The following CSMD1 variants were observed in gnomAD, a reference collection of about 807,000 sequenced individuals.
CSMD1 encodes the protein CUB and Sushi multiple domains 1, also known as CUB and sushi domain-containing protein 1.
A neutral mutation model predicts 417.5 loss-of-function variants in CSMD1; 213 were observed. That is an observed-to-expected ratio of 0.51 (90% CI 0.46 to 0.57). The LOEUF is 0.57. Among genes scored for constraint, CSMD1 ranks in the 20% least tolerant of loss-of-function variants. The pLI, the probability that CSMD1 is intolerant of heterozygous loss-of-function variation, is 0.00. For synonymous variants in CSMD1, 2,862 were observed against 1,736.8 expected, an observed-to-expected ratio of 1.65 and a Z score of -16.11; for missense variants, 6,923 against 4,529.7, an observed-to-expected ratio of 1.53 and a Z score of -15.17.
intron 1 of CSMD1, among the ~76,000 whole-genome samples, chr8:4,976,626 C>G (rs1243121485): frequency 6.6e-6 from 1 of 152,132 alleles, no homozygotes; most frequent in Non-Finnish European, 1.5e-5. Context: ...ACATTGTGTG[C>G]TAAACTCATT....
intron 25 of CSMD1, among the ~76,000 whole-genome samples, chr8:3,294,760 C>A (rs916165356): frequency 2.0e-5 from 3 of 152,156 alleles, no homozygotes; most frequent in Non-Finnish European, 2.9e-5. Context: ...TTCCCTGACC[C>A]CTTGCACTTC....
chr8:3,581,289 T>C (rs1250894463), intron 9 of CSMD1, among the ~76,000 whole-genome samples: 1 of 152,246 alleles, frequency 6.6e-6, no homozygotes, highest in East Asian at 1.9e-4. Context: ...CGTAATGTCT[T>C]ACCCTGCAAA....
At chr8:4,618,045 A>T (rs1801573777) in intron 2 of CSMD1, among the ~76,000 whole-genome samples, 1 of 152,218 alleles carries the variant, frequency 6.6e-6, no homozygotes, top group South Asian at 2.1e-4. Context: ...TAGAATATGC[A>T]CTATGGTGAC....
At chr8:4,110,740 C>G (rs1801808938) in intron 3 of CSMD1, among the ~76,000 whole-genome samples, 4 of 151,984 alleles carry the variant, frequency 2.6e-5, no homozygotes, top group South Asian at 2.1e-4. Context: ...TCTCAACCAT[C>G]CAGAGGTTCA....
At chr8:3,000,212 T>C in intron 52 of CSMD1, 81 bp from the exon 53 acceptor site, 1 of 978,934 alleles carries the variant, frequency 1.0e-6, no homozygotes, top group South Asian at 2.3e-5. Context: ...TATTATCAAG[T>C]CAATAACAGT....
At chr8:4,926,975 C>T (rs1806911515) in intron 1 of CSMD1, among the ~76,000 whole-genome samples, 1 of 152,000 alleles carries the variant, frequency 6.6e-6, no homozygotes, top group East Asian at 1.9e-4. Context: ...AGCTAGAGCA[C>T]ATACTATTTT....
intron 1 of CSMD1, among the ~76,000 whole-genome samples, chr8:4,687,155 G>A (rs1406633359): frequency 6.6e-6 from 1 of 152,206 alleles, no homozygotes; most frequent in Non-Finnish European, 1.5e-5. Flanking sequence ...GAGCACCGCT[G>A]CCAGCCAGAG....
intron 1 of CSMD1, among the ~76,000 whole-genome samples, chr8:4,939,193 C>A (rs1047494134): frequency 2.0e-5 from 3 of 152,174 alleles, no homozygotes; most frequent in African/African-American, 7.2e-5. Flanking sequence ...AATCCACGTA[C>A]ACTGTTGGTG....
intron 5 of CSMD1, among the ~76,000 whole-genome samples, chr8:3,940,153 C>A (rs548909022): frequency 6.6e-6 from 1 of 151,920 alleles, no homozygotes; most frequent in South Asian, 2.1e-4. Flanking sequence ...TTATTTTAAG[C>A]TTGTCATTGT....
chr8:3,205,677 G>C (rs1048722652), intron 30 of CSMD1, 57 bp from the exon 31 acceptor site: 2 of 774,096 alleles, frequency 2.6e-6, no homozygotes, highest in Non-Finnish European at 4.2e-6. Context: ...CAGGTGATAG[G>C]TGAGCCAAAG....
intron 2 of CSMD1, among the ~76,000 whole-genome samples, chr8:4,589,965 G>C (rs1032401656): frequency 6.6e-6 from 1 of 152,138 alleles, no homozygotes; most frequent in Non-Finnish European, 1.5e-5. Flanking sequence ...TAGGTTACTA[G>C]GCTAAGCAAG....
At chr8:4,189,470 C>T (rs865824259) in intron 3 of CSMD1, among the ~76,000 whole-genome samples, 2 of 151,976 alleles carry the variant, frequency 1.3e-5, no homozygotes, top group South Asian at 2.1e-4. Context: ...AAAAGAAAAA[C>T]AAAATTTTTC....
intron 1 of CSMD1, among the ~76,000 whole-genome samples, chr8:4,806,355 G>A (rs1180838776): frequency 6.6e-6 from 1 of 152,144 alleles, no homozygotes; most frequent in East Asian, 1.9e-4. Context: ...TTTCAGCGTT[G>A]CAGTATTGAA....
intron 5 of CSMD1, among the ~76,000 whole-genome samples, chr8:3,960,456 C>G (rs140854971): frequency 1.3e-5 from 2 of 152,118 alleles, no homozygotes; most frequent in South Asian, 4.1e-4. Context: ...ATTTTCAACA[C>G]AGGGGCGAAT....
chr8:4,677,221 G>C (rs1458151335), intron 1 of CSMD1, among the ~76,000 whole-genome samples: 1 of 150,998 alleles, frequency 6.6e-6, no homozygotes, highest in African/African-American at 2.4e-5. Context: ...AGTTACTGTA[G>C]AAATAATGCT....
Position 3,468,822 on chromosome 8 carries a change from A to G in CSMD1, c.1451T>C (p.Leu484Pro). 6.3e-7 allele frequency: 1 copy of G among 1,584,634 alleles called. No individual in the cohort carries two copies. The highest frequency in any genetic ancestry group is 8.6e-7 in the Non-Finnish European group (1 of 1,164,452). Residue 484 changes from leucine (L) to proline (P), a missense_variant and splice_region_variant, in exon 12 of 70, where the codon CTC (leucine) becomes CCC (proline). Physicochemically the swap from Leu to Pro is moderately conservative, Grantham distance 98. Transcript: ENST00000635120. ...GAGGTCAGGAACACTGGATCCCGTGAGCCTGCAAGAAAGAGAAATGTCAAA... is the reference window on the plus strand; with the variant it reads ...GAGGTCAGGAACACTGGATCCCGTGGGCCTGCAAGAAAGAGAAATGTCAAA... ...VGDTRSVLYV[L>P]TGSSVPDLIV...
chr8:4,170,210 C>T (rs916295823), intron 3 of CSMD1, among the ~76,000 whole-genome samples: 1 of 151,820 alleles, frequency 6.6e-6, no homozygotes, highest in Non-Finnish European at 1.5e-5. Flanking sequence ...CTCTGCAGAA[C>T]TAGCTGTTAT....
intron 10 of CSMD1, among the ~76,000 whole-genome samples, chr8:3,494,865 CTGTT>C (rs1585250728): frequency 6.6e-6 from 1 of 152,124 alleles, no homozygotes; most frequent in African/African-American, 2.4e-5. Flanking sequence ...TATCAAATGC[CTGTT>C]TGTTAAGCTT....
intron 7 of CSMD1, among the ~76,000 whole-genome samples, chr8:3,658,581 G>C (rs1046816578): frequency 2.0e-5 from 3 of 151,652 alleles, no homozygotes; most frequent in Non-Finnish European, 4.4e-5. Context: ...TCAGGAGTTT[G>C]AGACCAGCTT....
Sources: gnomAD v4.1 joint callset for allele counts (sites outside exome capture counted in the v4.1 genomes callset) on GRCh38, gnomAD v4.1.1 for gene constraint, MANE v1.5 for transcripts, NCBI Gene and HGNC (gene_info 2026-07-23, HGNC 2026-07-21) for gene names.